The following NLRP2 variants were observed in gnomAD, a reference collection of about 807,000 sequenced individuals.
NLRP2 encodes NACHT, LRR and PYD domains-containing protein 2.
NLRP2 carries 107 observed loss-of-function variants against 97.2 expected under a neutral mutation model. The ratio of observed to expected loss-of-function variants is 1.10; its 90% CI spans 0.94 to 1.29. NLRP2 has a LOEUF of 1.29. Ranked by LOEUF, NLRP2 falls within the 50% of genes most tolerant of loss-of-function variation. The pLI is 0.00. For synonymous variants in NLRP2, 663 were observed against 551.5 expected (o/e 1.20, Z -2.83); for missense variants, 1,495 against 1,330.3 (o/e 1.12, Z -1.93).
At chr19:54,974,460 A>G (rs1330739273) in intron 2 of NLRP2, 40 bp from the exon 3 acceptor site, 1 of 1,524,482 alleles carries the variant, frequency 6.6e-7, no homozygotes, top group African/African-American at 1.4e-5. Flanking sequence ...TCTTGAGCTT[A>G]TGGTAAAATG....
intron 4 of NLRP2, 108 bp from the exon 5 acceptor site, chr19:54,981,509 G>GCACC: frequency 1.0e-5 from 4 of 386,504 alleles, no homozygotes; most frequent in Admixed American, 2.8e-5. Context: ...CTGATCCCGT[G>GCACC]CCCCCCCTCC....
intron 3 of NLRP2, 75 bp from the exon 4 acceptor site, chr19:54,977,677 G>A: frequency 7.2e-7 from 1 of 1,394,166 alleles, no homozygotes; most frequent in Admixed American, 1.7e-5. Context: ...TGAGACTCAG[G>A]GGTCCAACTT....
chr19:54,966,825 CTTTTTT>C (rs1044701142), intron 1 of NLRP2, among the ~76,000 whole-genome samples: 6 of 74,990 alleles, frequency 8.0e-5, no homozygotes, highest in Non-Finnish European at 1.2e-4. Context: ...CGCGCCCAGC[CTTTTTT>C]TTTTTTTTTT....
intron 3 of NLRP2, chr19:54,976,812 CTTT>C (rs530895836): frequency 8.0e-4 from 264 of 328,012 alleles, no homozygotes; most frequent in South Asian, 1.5e-3. Context: ...TGTTCTCTCT[CTTT>C]TTTTTTTTTT....
At chr19:54,965,629 G>T (rs2070343139), upstream of NLRP2, among the ~76,000 whole-genome samples, 1 of 16 alleles carries the variant, frequency 0.062, no homozygotes. Flanking sequence ...CTAATTTTTT[G>T]TATTTTTAGT....
intron 3 of NLRP2, among the ~76,000 whole-genome samples, chr19:54,975,764 G>T (rs150083924): frequency 6.8e-4 from 103 of 151,350 alleles, no homozygotes; most frequent in African/African-American, 2.4e-3. Context: ...TGAAGATTGT[G>T]TTTTGAGATG....
In NLRP2 at chr19:54,994,325, A is replaced by T. The variant is rs532961412; in HGVS notation, c.2765A>T (p.Gln922Leu). Reference sequence around the variant, plus strand: ...TGCTGCGATCTCACAAAGCTTCTCCAAGAAAAATCAAGCCTGTTGTGTTTG... The same window carrying T: ...TGCTGCGATCTCACAAAGCTTCTCCTAGAAAAATCAAGCCTGTTGTGTTTG... ...DGCCDLTKLLQEKSSLLCLDL... is the reference protein window; with the variant it reads ...DGCCDLTKLLLEKSSLLCLDL... Residue 922 changes from glutamine to leucine, a missense_variant, in exon 11 of 13, where the codon CAA becomes CTA. Gln to Leu is a moderately radical substitution (Grantham distance 113). Transcript: ENST00000448584. The T allele has an allele frequency of 6.2e-7, 1 of 1,614,154 alleles. No homozygotes were observed. The highest frequency in any genetic ancestry group is 8.5e-7 in the Non-Finnish European group (1 of 1,180,018).
At chr19:54,984,872 TTCTC>T (rs1407459747) in intron 6 of NLRP2, among the ~76,000 whole-genome samples, 171 bp from the exon 7 acceptor site, 1 of 152,192 alleles carries the variant, frequency 6.6e-6, no homozygotes, top group Admixed American at 6.6e-5. Context: ...AATAGGTTCT[TTCTC>T]CTGTGATGCT....
intron 2 of NLRP2, among the ~76,000 whole-genome samples, chr19:54,971,995 A>AT (rs61335843): frequency 0.011 from 1,304 of 116,380 alleles, 17 homozygotes; most frequent in South Asian, 0.017. Context: ...TGCCTGGCTG[A>AT]TTTTTTTTTT....
intron 2 of NLRP2, among the ~76,000 whole-genome samples, chr19:54,971,531 A>G (rs940957063): frequency 1.3e-5 from 2 of 151,672 alleles, no homozygotes; most frequent in Non-Finnish European, 2.9e-5. Flanking sequence ...GTGTGAGATG[A>G]TATCTCATAG....
chr19:54,974,638 A>C, intron 3 of NLRP2, 94 bp downstream of exon 3: 4 of 940,922 alleles, frequency 4.3e-6, no homozygotes, highest in Non-Finnish European at 6.9e-6. Context: ...CTAAGAATGC[A>C]AAGAAATGCC....
At chr19:54,981,517 T>TCCCCCCCCCCCCCCCCCCCC in intron 4 of NLRP2, 100 bp from the exon 5 acceptor site, 2 of 274,194 alleles carry the variant, frequency 7.3e-6, no homozygotes, top group Non-Finnish European at 1.5e-5. Context: ...GTGCCCCCCC[T>TCCCCCCCCCCCCCCCCCCCC]CCCCCCCGCC....
chr19:54,975,265 C>T (rs1568475487), intron 3 of NLRP2, among the ~76,000 whole-genome samples: 1 of 146,408 alleles, frequency 6.8e-6, no homozygotes, highest in Non-Finnish European at 1.5e-5. Flanking sequence ...GGACCACAGG[C>T]ACTTGCCACC....
At chr19:54,967,024 A>G (rs1177690081) in intron 1 of NLRP2, among the ~76,000 whole-genome samples, 2 of 151,220 alleles carry the variant, frequency 1.3e-5, no homozygotes, top group Admixed American at 6.6e-5. Context: ...TAATATTATT[A>G]TTACCACTGT....
chr19:54,966,313 G>A (rs1416502208), upstream of NLRP2: 1 of 151,216 alleles, frequency 6.6e-6, no homozygotes, highest in East Asian at 2.0e-4. Flanking sequence ...GCCCCCAAAA[G>A]ACCTCTCAGT....
In NLRP2 at chr19:54,966,433, C is replaced by A. The variant is rs535201423; in HGVS notation, c.-52C>A. On this transcript the variant is annotated 5_prime_UTR_variant, in exon 1 of 13. Transcript: ENST00000448584. ...TAGAGCTTTCTCAACCTGCAGCCCT[C>A]ATCTCCGCCGGCGAGTAGGGCCAGG... is the stretch of plus-strand genomic sequence containing the variant. 1.3e-5 allele frequency: 2 copies of A among 152,156 alleles called. No homozygotes were observed. Among genetic ancestry groups the A allele is most frequent in the African/African-American group, 4.8e-5 (2 of 41,442 alleles). The allele number at this position is 152,156 out of a possible 1,614,324, so 9.4% of individuals were successfully genotyped here. A position where few individuals can be genotyped will look rare whatever the true frequency, so the allele number is the denominator to read the frequency against.
At chr19:54,994,590 A>G (rs1432163807) in intron 11 of NLRP2, 151 bp downstream of exon 11, 4 of 846,942 alleles carry the variant, frequency 4.7e-6, no homozygotes, top group Non-Finnish European at 5.9e-6. Context: ...GGTTAAAGGA[A>G]TAAGTTCTAG....
At chr19:54,969,663 A>G (rs1031421232) in intron 1 of NLRP2, among the ~76,000 whole-genome samples, 1 of 152,058 alleles carries the variant, frequency 6.6e-6, no homozygotes, top group African/African-American at 2.4e-5. Context: ...AAAAATAAGT[A>G]AATAAAAGTA....
rs574148149 is a variant in NLRP2 at position 54,999,140 on chromosome 19, G to C, written c.3051-1620G>C. ...CGGACAGGGCGGCTGGCTGGGCGGG[G>C]GGCTGACCCCCCCACCTCCCCGCCC... is the stretch of plus-strand genomic sequence containing the variant. On this transcript the variant is annotated intron_variant, in intron 12 of 12. Coordinates refer to ENST00000448584, the MANE Select transcript of NLRP2 (RefSeq NM_017852.5). 6.6e-5 allele frequency among the ~76,000 whole-genome samples: 10 copies of C among 152,120 alleles called. No individual in the cohort carries two copies. In the East Asian group the frequency reaches 1.9e-3, roughly 30 times the overall value.
Sources: allele counts gnomAD v4.1 joint callset (sites outside exome capture counted in the v4.1 genomes callset), GRCh38; gene constraint gnomAD v4.1.1; transcripts MANE v1.5; gene names NCBI Gene and HGNC (gene_info 2026-07-23, HGNC 2026-07-21).